Variants in IQCH observed in about 807,000 individuals in gnomAD.
IQCH encodes the protein IQ domain-containing protein H.
In IQCH, 98 loss-of-function variants were observed where a neutral mutation model predicts 117.0. That is an observed-to-expected ratio of 0.84 (90% CI 0.71 to 0.99). The LOEUF (loss-of-function observed/expected upper bound fraction) is 0.99. Ranked by LOEUF, IQCH falls within the 50% of genes least tolerant of loss-of-function variation. IQCH has a pLI of 0.00. For synonymous variants in IQCH, 412 were observed against 448.2 expected (o/e 0.92, Z 1.02); for missense variants, 1,102 against 1,243.8 (o/e 0.89, Z 1.72).
intron 19 of IQCH, among the ~76,000 whole-genome samples, chr15:67,492,407 G>A (rs61620354): frequency 0.14 from 20,902 of 152,134 alleles, 1,649 homozygotes; most frequent in East Asian, 0.2. Flanking sequence ...GGCTGGGAGA[G>A]GTGAGCTCCC....
At chr15:67,418,863 C>A (rs2081648555) in intron 15 of IQCH, among the ~76,000 whole-genome samples, 1 of 152,040 alleles carries the variant, frequency 6.6e-6, no homozygotes, top group Non-Finnish European at 1.5e-5. Context: ...CAGGCGTGAG[C>A]CACTACGCCC....
rs894102641 is a variant in IQCH at position 67,474,918 on chromosome 15, A to G, written c.2677-778A>G. On this transcript the variant is annotated intron_variant, in intron 17 of 20. Coordinates refer to ENST00000335894, the MANE Select transcript of IQCH (RefSeq NM_001031715.3). The surrounding 1 kb of genome is among the most constrained non-coding windows in gnomAD (Gnocchi z 4.1). ...GTTTGCCCACGTGGTCTTCCTCTCA[A>G]AAACACATTACTACAGTCTAATCAG... is the stretch of plus-strand genomic sequence containing the variant. 6.6e-6 allele frequency among the ~76,000 whole-genome samples: 1 copy of G among 152,210 alleles called. No individual in the cohort carries two copies.
intron 16 of IQCH, among the ~76,000 whole-genome samples, chr15:67,452,992 T>C (rs549349962): frequency 4.5e-4 from 68 of 152,358 alleles, no homozygotes; most frequent in African/African-American, 1.6e-3. Flanking sequence ...CTATCACTGA[T>C]ACCCTTTCTT....
At position 67,493,342 on chromosome 15, in the gene IQCH, T is replaced by C. The variant is rs1162193558; in HGVS notation, c.2862-916T>C. On this transcript the variant is annotated intron_variant, in intron 19 of 20. Transcript: ENST00000335894. This position sits in a 1 kb window ranked among gnomAD's most constrained non-coding sequence, Gnocchi z 5.1. ...CCTGAACTTGGTGTTCCTTTCACTA[T>C]ACCACAAAGCCTACACTGAGTGACC... is the stretch of plus-strand genomic sequence containing the variant. Among the ~76,000 whole-genome samples, 1 of 152,196 alleles carries C rather than the reference T, an allele frequency of 6.6e-6. No individual in the cohort carries two copies. Among genetic ancestry groups the C allele is most frequent in the African/African-American group, 2.4e-5 (1 of 41,458 alleles).
chr15:67,255,642 A>G (rs1338289319), intron 1 of IQCH, among the ~76,000 whole-genome samples: 1 of 152,206 alleles, frequency 6.6e-6, no homozygotes, highest in Non-Finnish European at 1.5e-5. Flanking sequence ...TAACTATCAC[A>G]TATATAATAG....
At chr15:67,293,945 C>T (rs561172456) in intron 4 of IQCH, among the ~76,000 whole-genome samples, 8 of 152,186 alleles carry the variant, frequency 5.3e-5, no homozygotes, top group African/African-American at 1.9e-4. Flanking sequence ...CGAGGGAGAT[C>T]GAAAGTTATT....
chr15:67,447,552 T>G lies in IQCH; in HGVS notation c.2506-17575T>G, dbSNP rs946624451. Reference sequence around the variant, plus strand: ...GATGTATTGGATTACTGGGTTAACTTGATGGGGTTGAGGGAGTGTCCCCGT... The same window carrying G: ...GATGTATTGGATTACTGGGTTAACTGGATGGGGTTGAGGGAGTGTCCCCGT... On this transcript the variant is annotated intron_variant, in intron 16 of 20. Coordinates refer to ENST00000335894, the MANE Select transcript of IQCH (RefSeq NM_001031715.3). The surrounding 1 kb of genome is among the most constrained non-coding windows in gnomAD (Gnocchi z 5.3). Among the ~76,000 whole-genome samples the G allele has an allele frequency of 6.6e-6, 1 of 152,148 alleles. No individual in the cohort carries two copies. Among genetic ancestry groups the G allele is most frequent in the African/African-American group, 2.4e-5 (1 of 41,436 alleles).
chr15:67,463,988 G>A lies in IQCH; in HGVS notation c.2506-1139G>A, dbSNP rs947983949. 2.0e-5 allele frequency among the ~76,000 whole-genome samples: 3 copies of A among 152,080 alleles called. No individual in the cohort carries two copies. The highest frequency in any genetic ancestry group is 4.8e-5 in the African/African-American group (2 of 41,404). On this transcript the variant is annotated intron_variant, in intron 16 of 20. Coordinates refer to ENST00000335894, the MANE Select transcript of IQCH (RefSeq NM_001031715.3). This position sits in a 1 kb window ranked among gnomAD's most constrained non-coding sequence, Gnocchi z 4.0. ...CTCCCAAGTATCTGAGATTACAGGC[G>A]CACGCCACCTTGCCCAGCTAACTTT... is the stretch of plus-strand genomic sequence containing the variant.
intron 10 of IQCH, among the ~76,000 whole-genome samples, chr15:67,379,088 T>G (rs1285448359): frequency 2.6e-5 from 4 of 152,100 alleles, no homozygotes; most frequent in Non-Finnish European, 5.9e-5. Context: ...AAAAAAAAAT[T>G]TAGTGAGAAG....
At chr15:67,469,832 T>C (rs1222221027) in intron 17 of IQCH, among the ~76,000 whole-genome samples, 2 of 152,174 alleles carry the variant, frequency 1.3e-5, no homozygotes, top group Non-Finnish European at 2.9e-5. Flanking sequence ...GTTAAGCAAT[T>C]TGTTAAAGGT....
chr15:67,460,216 CAT>C (rs2082757491), intron 16 of IQCH, among the ~76,000 whole-genome samples: 2 of 152,218 alleles, frequency 1.3e-5, no homozygotes, highest in African/African-American at 4.8e-5. Flanking sequence ...TCAATAGCCA[CAT>C]GAGGCTAGTG....
intron 4 of IQCH, among the ~76,000 whole-genome samples, chr15:67,320,282 C>G (rs1372301312): frequency 6.6e-6 from 1 of 152,200 alleles, no homozygotes; most frequent in Non-Finnish European, 1.5e-5. Context: ...TGCCTAGAGA[C>G]TGGCACACTG....
intron 4 of IQCH, among the ~76,000 whole-genome samples, chr15:67,311,395 T>G (rs971925871): frequency 1.3e-5 from 2 of 151,804 alleles, no homozygotes; most frequent in Non-Finnish European, 2.9e-5. Context: ...CTACATCTTG[T>G]GCAGGCAAAA....
chr15:67,370,872 G>T lies in IQCH; in HGVS notation c.754-1239G>T, dbSNP rs1434516151. Reference sequence around the variant, plus strand: ...TGGCAGTCTAATTAATTATTGTGCGGCCCAGGACCGGAGAAAAGAAAACGC... The same window carrying T: ...TGGCAGTCTAATTAATTATTGTGCGTCCCAGGACCGGAGAAAAGAAAACGC... On this transcript the variant is annotated intron_variant, in intron 8 of 20. Transcript: ENST00000335894. The surrounding 1 kb of genome is among the most constrained non-coding windows in gnomAD (Gnocchi z 5.6). 6.6e-6 allele frequency among the ~76,000 whole-genome samples: 1 copy of T among 151,310 alleles called. No homozygotes were observed. The highest frequency in any genetic ancestry group is 2.4e-5 in the African/African-American group (1 of 41,202).
At position 67,258,120 on chromosome 15, in the gene IQCH, A is replaced by G. The variant is rs926761697; in HGVS notation, c.52-3152A>G. On this transcript the variant is annotated intron_variant, in intron 1 of 20. Transcript: ENST00000335894. ...GTGGCAGGCACCTGTAATCCCAGCTACTTGGGAGGCTGAGGCAAGGAGAAT... is the reference window on the plus strand; with the variant it reads ...GTGGCAGGCACCTGTAATCCCAGCTGCTTGGGAGGCTGAGGCAAGGAGAAT... Among the ~76,000 whole-genome samples the G allele has an allele frequency of 1.1e-4, 16 of 151,852 alleles. 1 individual carries two copies. Among genetic ancestry groups the G allele is most frequent in the African/African-American group, 3.9e-4 (16 of 41,326 alleles).
intron 1 of IQCH, among the ~76,000 whole-genome samples, chr15:67,258,909 A>G (rs563052259): frequency 6.6e-6 from 1 of 152,210 alleles, no homozygotes. Context: ...AACTTTTTCT[A>G]TAGTATTTGT....
intron 4 of IQCH, among the ~76,000 whole-genome samples, chr15:67,317,208 T>C (rs1177853182): frequency 6.6e-6 from 1 of 152,186 alleles, no homozygotes; most frequent in African/African-American, 2.4e-5. Context: ...GTTTTTCTTT[T>C]TCTTTTTTAT....
chr15:67,321,078 T>C (rs1968095296), intron 4 of IQCH, among the ~76,000 whole-genome samples: 1 of 152,198 alleles, frequency 6.6e-6, no homozygotes, highest in Non-Finnish European at 1.5e-5. Flanking sequence ...TTCATAACAA[T>C]TTTAATGGAA....
chr15:67,401,906 G>A lies in IQCH; in HGVS notation c.2097+1601G>A, dbSNP rs1971676603. Among the ~76,000 whole-genome samples, 1 of 152,088 alleles carries A rather than the reference G, an allele frequency of 6.6e-6. No homozygotes were observed. The highest frequency in any genetic ancestry group is 2.1e-4 in the South Asian group (1 of 4,820). On this transcript the variant is annotated intron_variant, in intron 14 of 20. Coordinates refer to ENST00000335894, the MANE Select transcript of IQCH (RefSeq NM_001031715.3). The surrounding 1 kb of genome is among the most constrained non-coding windows in gnomAD (Gnocchi z 4.7). ...ATTTTTTTTAAAGCAACACTGTTAA[G>A]ATTAAACCATAAAAATATGGTTTTT...
Sources: gnomAD v4.1 joint callset for allele counts (sites outside exome capture counted in the v4.1 genomes callset) on GRCh38, gnomAD v4.1.1 for gene constraint, Gnocchi (gnomAD v3.1) non-coding constraint, MANE v1.5 for transcripts, NCBI Gene and HGNC (gene_info 2026-07-23, HGNC 2026-07-21) for gene names.